AHI1: variants seen among roughly 807,000 people sequenced by gnomAD.
The protein encoded by AHI1 is Abelson helper integration site 1.
In AHI1, 123 loss-of-function variants were observed where a neutral mutation model predicts 149.3. The observed-to-expected ratio is 0.82, with a 90% CI of 0.71 to 0.96. The LOEUF (loss-of-function observed/expected upper bound fraction) is 0.96. AHI1 is among the 40% of genes least tolerant of loss of function. The pLI is 0.00. For synonymous variants in AHI1, 475 were observed against 459.8 expected, an observed-to-expected ratio of 1.03 and a Z score of -0.42; for missense variants, 1,439 against 1,422.7, an observed-to-expected ratio of 1.01 and a Z score of -0.18.
At chr6:135,370,537 A>G (rs934959259) in intron 23 of AHI1, among the ~76,000 whole-genome samples, 1 of 152,214 alleles carries the variant, frequency 6.6e-6, no homozygotes, top group Non-Finnish European at 1.5e-5. Flanking sequence ...TGATTATAGA[A>G]GGCTTGCTCC....
intron 24 of AHI1, among the ~76,000 whole-genome samples, chr6:135,326,718 G>A (rs1336425265): frequency 6.6e-6 from 1 of 151,952 alleles, no homozygotes; most frequent in Non-Finnish European, 1.5e-5. Context: ...CCGCCACCAT[G>A]CTCAGCCAAT....
Position 135,326,093 on chromosome 6 carries a change from A to G in AHI1, c.3166-2769T>C, listed in dbSNP as rs570730003. ...CTTACAGAACCAAATACACACATCA[A>G]TTTTGCATGGCCCACTAGTATCTGT... On this transcript the variant is annotated intron_variant, in intron 24 of 28. Coordinates refer to ENST00000265602, the MANE Select transcript of AHI1 (RefSeq NM_001134831.2). 2.6e-5 allele frequency among the ~76,000 whole-genome samples: 4 copies of G among 152,276 alleles called. No individual in the cohort carries two copies. The East Asian group carries it at 7.7e-4, about 29-fold the overall frequency.
intron 27 of AHI1, among the ~76,000 whole-genome samples, chr6:135,296,185 T>C (rs1355518422): frequency 1.3e-5 from 2 of 152,218 alleles, no homozygotes; most frequent in Admixed American, 1.3e-4. Context: ...TGTATCTCTT[T>C]ATAAGTTAGA....
At chr6:135,472,018 C>CAAAAAAAAAAAAAAAAAAAA (rs541390652) in intron 5 of AHI1, among the ~76,000 whole-genome samples, 9 of 54,418 alleles carry the variant, frequency 1.7e-4, no homozygotes, top group Non-Finnish European at 2.5e-4. Flanking sequence ...GACTCCGTCT[C>CAAAAAAAAAAAAAAAAAAAA]AAAAAAAAAA....
intron 24 of AHI1, among the ~76,000 whole-genome samples, chr6:135,329,798 TAAG>T (rs1788262716): frequency 1.3e-5 from 2 of 152,192 alleles, no homozygotes; most frequent in Non-Finnish European, 2.9e-5. Context: ...TAGATGACAT[TAAG>T]AAGATTTGTG....
intron 8 of AHI1, 143 bp downstream of exon 8, chr6:135,462,982 C>T: frequency 1.6e-6 from 1 of 611,370 alleles, no homozygotes; most frequent in Non-Finnish European, 2.7e-6. Flanking sequence ...GTGCTTTAAT[C>T]TAGATGAATT....
intron 23 of AHI1, among the ~76,000 whole-genome samples, chr6:135,391,259 C>A (rs1778438553): frequency 6.6e-6 from 1 of 152,156 alleles, no homozygotes; most frequent in Non-Finnish European, 1.5e-5. Flanking sequence ...TTACCTAGAG[C>A]AGCAGTACCC....
intron 27 of AHI1, among the ~76,000 whole-genome samples, chr6:135,293,851 T>C (rs909242431): frequency 2.6e-5 from 4 of 152,236 alleles, no homozygotes; most frequent in African/African-American, 9.6e-5. Flanking sequence ...GAATATGCTA[T>C]AGAAATTGAT....
At chr6:135,374,094 ATATATATATATATATTTT>A (rs1373924210) in intron 23 of AHI1, among the ~76,000 whole-genome samples, 39 of 19,794 alleles carry the variant, frequency 2.0e-3, no homozygotes, top group Non-Finnish European at 3.3e-3. Flanking sequence ...ATATATATAT[ATATATATATATATATTTT>A]TTTTTTTTTT....
chr6:135,357,858 C>G (rs1456481881), intron 24 of AHI1, among the ~76,000 whole-genome samples: 1 of 152,070 alleles, frequency 6.6e-6, no homozygotes, highest in Non-Finnish European at 1.5e-5. Flanking sequence ...CCTTTTTTCA[C>G]TATTATAAAA....
At chr6:135,416,824 C>T (rs112660435) in intron 20 of AHI1, among the ~76,000 whole-genome samples, 4,637 of 152,008 alleles carry the variant, frequency 0.031, 214 homozygotes, top group African/African-American at 0.1. Flanking sequence ...TAGTGAGTAC[C>T]AAAGGATATT....
chr6:135,465,385 T>C (rs1790579204), intron 7 of AHI1, among the ~76,000 whole-genome samples: 2 of 152,320 alleles, frequency 1.3e-5, no homozygotes, highest in East Asian at 1.9e-4. Context: ...TTTTCTACAA[T>C]GAGCTAATGT....
chr6:135,488,171 T>C (rs143064854), intron 5 of AHI1, among the ~76,000 whole-genome samples: 23 of 152,178 alleles, frequency 1.5e-4, no homozygotes, highest in African/African-American at 5.1e-4. Flanking sequence ...ATAGTTCTCA[T>C]CTCATAAATT....
At chr6:135,410,992 G>A (rs1781503736) in intron 21 of AHI1, among the ~76,000 whole-genome samples, 1 of 152,074 alleles carries the variant, frequency 6.6e-6, no homozygotes, top group Non-Finnish European at 1.5e-5. Flanking sequence ...ACAGGTGTAC[G>A]CCACCATGCT....
intron 3 of AHI1, 200 bp from the exon 4 acceptor site, chr6:135,492,491 C>T (rs1795381340): frequency 8.4e-7 from 1 of 1,191,230 alleles, no homozygotes; most frequent in Non-Finnish European, 1.0e-6. Flanking sequence ...TCAAGGGAAA[C>T]AAACTAGATC....
intron 5 of AHI1, among the ~76,000 whole-genome samples, chr6:135,475,739 C>T (rs1368718402): frequency 6.6e-6 from 1 of 152,158 alleles, no homozygotes; most frequent in Non-Finnish European, 1.5e-5. Context: ...TGAAAGCTTG[C>T]ACCTGGTTTC....
chr6:135,476,602 TA>T (rs1792689421), intron 5 of AHI1, among the ~76,000 whole-genome samples: 1 of 152,224 alleles, frequency 6.6e-6, no homozygotes, highest in African/African-American at 2.4e-5. Flanking sequence ...ATTGCTGATT[TA>T]TCTATTTCTC....
chr6:135,452,372 C>A (rs1175242295), intron 11 of AHI1, among the ~76,000 whole-genome samples: 2 of 152,166 alleles, frequency 1.3e-5, no homozygotes, highest in African/African-American at 2.4e-5. Flanking sequence ...CATCAATCTA[C>A]GCCTTTCATC....
At chr6:135,290,140 T>C (rs1292517062) in intron 28 of AHI1, among the ~76,000 whole-genome samples, 1 of 152,198 alleles carries the variant, frequency 6.6e-6, no homozygotes, top group Non-Finnish European at 1.5e-5. Flanking sequence ...AGTTACTGCC[T>C]AGCTTTTTCT....
Sources: gnomAD v4.1 joint callset for allele counts (sites outside exome capture counted in the v4.1 genomes callset) on GRCh38, gnomAD v4.1.1 for gene constraint, MANE v1.5 for transcripts, NCBI Gene and HGNC (gene_info 2026-07-23, HGNC 2026-07-21) for gene names.